Variants in MTCH1 observed in about 807,000 individuals in gnomAD.
The protein encoded by MTCH1 is mitochondrial carrier homolog 1.
A neutral mutation model predicts 49.3 loss-of-function variants in MTCH1; 23 were observed. The observed-to-expected ratio is 0.47, with a 90% CI of 0.34 to 0.66. The LOEUF (loss-of-function observed/expected upper bound fraction) is 0.66, where lower values mean the gene tolerates loss of function less well. MTCH1 is among the 30% of genes least tolerant of loss of function. The pLI is 0.01. For synonymous variants in MTCH1, 229 were observed against 215.2 expected (o/e 1.06, Z -0.56); for missense variants, 397 against 532.1 (o/e 0.75, Z 2.50).
chr6:36,969,684 G>C (rs908269658), intron 11 of MTCH1: 64 of 1,208,862 alleles, frequency 5.3e-5, no homozygotes, highest in Non-Finnish European at 6.6e-5. Flanking sequence ...ACTGGTTACA[G>C]ACCTCGAATT....
At chr6:36,978,687 C>T in intron 2 of MTCH1, 76 bp from the exon 3 acceptor site, 3 of 1,305,848 alleles carry the variant, frequency 2.3e-6, no homozygotes, top group Non-Finnish European at 3.3e-6. Context: ...CACACCCAGA[C>T]CAGGCTCGGC....
intron 11 of MTCH1, 31 bp from the exon 12 acceptor site, chr6:36,969,005 A>T (rs747102581): frequency 6.8e-6 from 11 of 1,611,748 alleles, no homozygotes; most frequent in African/African-American, 1.3e-5. Flanking sequence ...AGGTGAGTGA[A>T]AGGGAGGCCA....
rs747325086 is a variant in MTCH1 at position 36,978,531 on chromosome 6, T to C, written c.487A>G (p.Thr163Ala). The C allele has an allele frequency of 6.2e-7, 1 of 1,614,152 alleles. No homozygotes were observed. Among genetic ancestry groups the C allele is most frequent in the African/African-American group, 1.3e-5 (1 of 75,048 alleles). The change falls in exon 3 of 12, where the codon ACT becomes GCT. Residue 163 changes from threonine to alanine, a missense_variant. Thr to Ala is a moderately conservative substitution (Grantham distance 58). Transcript: ENST00000373627. The stretch of plus-strand genomic sequence containing the variant: ...TTCTTCATGCTACCCCGAGTCACAG[T>C]AGAGAGGGCGTTGGACATCAGCCGG... ...SPRLMSNALS[T>A]VTRGSMKKVF...
chr6:36,978,257 G>C (rs1763961896), intron 3 of MTCH1, 102 bp from the exon 4 acceptor site: 2 of 1,104,296 alleles, frequency 1.8e-6, no homozygotes, highest in Admixed American at 3.8e-5. Flanking sequence ...TTCCTCTGCA[G>C]TGTCTATTGG....
At position 36,986,170 on chromosome 6, in the gene MTCH1, C is replaced by A; in HGVS notation, c.4G>T (p.Gly2Ter). The A allele has an allele frequency of 7.0e-7, 1 of 1,427,940 alleles. No homozygotes were observed. Among genetic ancestry groups the A allele is most frequent in the South Asian group, 1.4e-5 (1 of 71,836 alleles). The allele number at this position is 1,427,940 out of a possible 1,614,324, so 88.5% of individuals were successfully genotyped here. The change falls in exon 1 of 12, where the codon GGA (glycine) becomes TGA (stop). Residue 2 changes from glycine to a stop codon, truncating the protein, a stop_gained. Transcript: ENST00000373627. LOFTEE classifies it high-confidence loss of function. ...GGCGCCACTTCCGGGTCCGAAGCTC[C>A]CATGGCGCCCGGCGGCGAGGTCACT... M[G>*]ASDPEVAPWA...
At chr6:36,976,783 A>C (rs1044117577) in intron 6 of MTCH1, among the ~76,000 whole-genome samples, 7 of 152,164 alleles carry the variant, frequency 4.6e-5, no homozygotes, top group African/African-American at 1.7e-4. Context: ...ATGAGCCCCA[A>C]GCCCATGGGG....
chr6:36,979,968 C>CT (rs1764029331), intron 2 of MTCH1, among the ~76,000 whole-genome samples: 1 of 152,192 alleles, frequency 6.6e-6, no homozygotes. Context: ...CATTCTGGGT[C>CT]TTTCTGCAGT....
Position 36,977,788 on chromosome 6 carries a change from T to G in MTCH1, c.592-97A>C. 1 of 1,103,382 alleles carries G rather than the reference T, an allele frequency of 9.1e-7. No individual in the cohort carries two copies. The highest frequency in any genetic ancestry group is 1.5e-5 in the South Asian group (1 of 67,716). The allele number at this position is 1,103,382 out of a possible 1,614,324, so 68.3% of individuals were successfully genotyped here. On this transcript the variant is annotated intron_variant, in intron 4 of 11. Coordinates refer to ENST00000373627, the MANE Select transcript of MTCH1 (RefSeq NM_001271641.2). The surrounding 1 kb of genome is among the most constrained non-coding windows in gnomAD (Gnocchi z 5.4). ...CAAGTGCTCAGGAGGGAGAAACCTG[T>G]CCCAGGGACTGCACATGGGGTCGGT...
chr6:36,977,791 C>T lies in MTCH1; in HGVS notation c.592-100G>A, dbSNP rs1763940942. 2 of 1,092,172 alleles carry T rather than the reference C, an allele frequency of 1.8e-6. No individual in the cohort carries two copies. Among genetic ancestry groups the T allele is most frequent in the Non-Finnish European group, 1.3e-6 (1 of 745,608 alleles). The allele number at this position is 1,092,172 out of a possible 1,614,324, so 67.7% of individuals were successfully genotyped here. ...GTGCTCAGGAGGGAGAAACCTGTCC[C>T]AGGGACTGCACATGGGGTCGGTCTG... On this transcript the variant is annotated intron_variant, in intron 4 of 11. Coordinates refer to ENST00000373627, the MANE Select transcript of MTCH1 (RefSeq NM_001271641.2). The surrounding 1 kb of genome is among the most constrained non-coding windows in gnomAD (Gnocchi z 5.4).
At position 36,978,589 on chromosome 6, in the gene MTCH1, A is replaced by G. The variant is rs1378395053; in HGVS notation, c.429T>C (p.Asp143=). The stretch of plus-strand genomic sequence containing the variant: ...GGCCTCGGAACAGCCCTATCTTACC[A>G]TCCACTTGCACGATGTACTTGGCTG... ...FTYAKYIVQV[D]GKIGLFRGLS... The change falls in exon 3 of 12, where the codon GAT becomes GAC. Residue 143 remains aspartate, a synonymous_variant. Transcript: ENST00000373627. 6.2e-7 allele frequency: 1 copy of G among 1,614,110 alleles called. No individual in the cohort carries two copies. The highest frequency in any genetic ancestry group is 1.3e-5 in the African/African-American group (1 of 75,042).
In MTCH1 at chr6:36,982,710, G is replaced by A. The variant is rs189439677; in HGVS notation, c.322-1038C>T. On this transcript the variant is annotated intron_variant, in intron 1 of 11. Coordinates refer to ENST00000373627, the MANE Select transcript of MTCH1 (RefSeq NM_001271641.2). This position sits in a 1 kb window ranked among gnomAD's most constrained non-coding sequence, Gnocchi z 4.1. Reference sequence around the variant, plus strand: ...AGCCTGAAATATTTATTAAACCCGCGGGTGGGTGAAGGACCATCCATATCC... The same window carrying A: ...AGCCTGAAATATTTATTAAACCCGCAGGTGGGTGAAGGACCATCCATATCC... Among the ~76,000 whole-genome samples the A allele has an allele frequency of 2.7e-3, 414 of 152,302 alleles. 1 individual carries two copies. The highest frequency in any genetic ancestry group is 8.5e-3 in the African/African-American group (354 of 41,566).
upstream of MTCH1, chr6:36,986,201 T>C (rs1764313908): frequency 7.1e-7 from 1 of 1,408,598 alleles, no homozygotes; most frequent in Non-Finnish European, 9.2e-7. Flanking sequence ...TCACTCCCCG[T>C]CACGTGACGG....
intron 7 of MTCH1, among the ~76,000 whole-genome samples, chr6:36,975,080 C>A (rs1394150184): frequency 6.6e-6 from 1 of 152,212 alleles, no homozygotes; most frequent in African/African-American, 2.4e-5. Flanking sequence ...AGACCATGTG[C>A]CCTGCCAAAG....
rs926299529 is a variant in MTCH1, at chr6:36,969,762, C to T, written c.1098+277G>A. Reference sequence around the variant, plus strand: ...ACCACCTGCCACCTGGGCCAGAGTTCTCTTATCCTTATCCTAAGAGTCTTT... The same window carrying T: ...ACCACCTGCCACCTGGGCCAGAGTTTTCTTATCCTTATCCTAAGAGTCTTT... On this transcript the variant is annotated intron_variant, in intron 11 of 11. Coordinates refer to ENST00000373627, the MANE Select transcript of MTCH1 (RefSeq NM_001271641.2). 83 of 1,331,398 alleles carry T rather than the reference C, an allele frequency of 6.2e-5. No individual in the cohort carries two copies. In the South Asian group the frequency reaches 9.9e-4, roughly 16 times the overall value. The allele number at this position is 1,331,398 out of a possible 1,614,324, so 82.5% of individuals were successfully genotyped here.
chr6:36,973,622 C>CTA (rs1454748037), intron 7 of MTCH1, among the ~76,000 whole-genome samples: 4 of 152,228 alleles, frequency 2.6e-5, no homozygotes, highest in African/African-American at 7.2e-5. Flanking sequence ...TGACTTTGTG[C>CTA]TATACCCTTT....
At chr6:36,974,408 T>C (rs1763789345) in intron 7 of MTCH1, among the ~76,000 whole-genome samples, 1 of 152,194 alleles carries the variant, frequency 6.6e-6, no homozygotes, top group African/African-American at 2.4e-5. Context: ...TCTCACTATG[T>C]TGCTCAGGCT....
intron 1 of MTCH1, 93 bp downstream of exon 1, chr6:36,985,760 G>A (rs1471810993): frequency 1.1e-5 from 3 of 263,866 alleles, no homozygotes; most frequent in Admixed American, 7.5e-5. Flanking sequence ...CCCCAAATCC[G>A]TCGCCATTGA....
intron 3 of MTCH1, 105 bp downstream of exon 3, chr6:36,978,400 T>C (rs1049949730): frequency 7.6e-6 from 9 of 1,187,840 alleles, no homozygotes; most frequent in South Asian, 1.4e-5. Flanking sequence ...AAGCCCCCAA[T>C]GGTCTGGGAA....
In MTCH1 at chr6:36,969,796, A is replaced by C; in HGVS notation, c.1098+243T>G. 2.1e-6 allele frequency: 3 copies of C among 1,439,078 alleles called. 1 individual carries two copies. In the South Asian group the frequency reaches 3.9e-5, roughly 19 times the overall value. 89.1% of individuals were successfully genotyped at this position (1,439,078 alleles called of 1,614,324 possible). On this transcript the variant is annotated intron_variant, in intron 11 of 11. Coordinates refer to ENST00000373627, the MANE Select transcript of MTCH1 (RefSeq NM_001271641.2). ...TTATCCTAAGAGTCTTTAAGACTCA[A>C]AGAAGAAAAGGTCTTGTCTGATGTA...
Sources: gnomAD v4.1 joint callset for allele counts (sites outside exome capture counted in the v4.1 genomes callset) on GRCh38, gnomAD v4.1.1 for gene constraint, Gnocchi (gnomAD v3.1) non-coding constraint, MANE v1.5 for transcripts, NCBI Gene and HGNC (gene_info 2026-07-23, HGNC 2026-07-21) for gene names.